Variants in MAPT observed in about 807,000 individuals in gnomAD.
MAPT encodes microtubule associated protein tau.
In MAPT, 34 loss-of-function variants were observed where a neutral mutation model predicts 67.9. That is an observed-to-expected ratio of 0.50 (90% confidence interval 0.38 to 0.67). The LOEUF is 0.67. MAPT is among the 30% of genes least tolerant of loss of function. The pLI is 0.00. For missense variants in MAPT, 881 were observed against 1,115.2 expected (o/e 0.79, Z 2.99); for synonymous variants, 456 against 464.5 (o/e 0.98, Z 0.23).
chr17:45,984,004 A>T, intron 5 of MAPT, 74 bp downstream of exon 5: 1 of 1,302,822 alleles, frequency 7.7e-7, no homozygotes, highest in Non-Finnish European at 1.1e-6. Flanking sequence ...ACTGCCACTG[A>T]GCTTCCAGGC....
chr17:45,983,914 G>T lies in MAPT; in HGVS notation c.1335G>T (p.Arg445=). ...CTCCGCGGGGGAAGCCCGTCAGCCG[G>T]GTCCCTCAACTCAAAGGTCTGTGTC... is the stretch of plus-strand genomic sequence containing the variant. ...AAAPRGKPVS[R]VPQLKARMVS... The change falls in exon 5 of 13, where the codon CGG becomes CGT. Residue 445 remains arginine (R), a synonymous_variant. Coordinates refer to ENST00000262410, the MANE Select transcript of MAPT (RefSeq NM_001377265.1). The T allele has an allele frequency of 6.4e-7, 1 of 1,572,626 alleles. No homozygotes were observed. The highest frequency in any genetic ancestry group is 8.6e-7 in the Non-Finnish European group (1 of 1,163,514).
At chr17:45,899,882 T>C (rs2063505183) in intron 1 of MAPT, among the ~76,000 whole-genome samples, 1 of 152,188 alleles carries the variant, frequency 6.6e-6, no homozygotes, top group Non-Finnish European at 1.5e-5. Context: ...ATCCAGGGTT[T>C]CTGGACTGCT....
chr17:45,982,354 G>A (rs917756650), intron 4 of MAPT, among the ~76,000 whole-genome samples: 3 of 133,508 alleles, frequency 2.2e-5, no homozygotes, highest in African/African-American at 8.1e-5. Flanking sequence ...GGCGGGGGCA[G>A]GAGAACAGTG....
chr17:45,942,366 CT>C (rs1175259652), intron 1 of MAPT, among the ~76,000 whole-genome samples: 1 of 152,226 alleles, frequency 6.6e-6, no homozygotes, highest in Non-Finnish European at 1.5e-5. Flanking sequence ...ACGGTTTTGG[CT>C]CTGTCCCCAG....
intron 1 of MAPT, chr17:45,932,098 A>G (rs886774091): frequency 6.6e-6 from 1 of 152,038 alleles, no homozygotes; most frequent in Non-Finnish European, 1.5e-5. Flanking sequence ...AAGAAAAAAA[A>G]AAAAGAAACA....
chr17:45,999,376 C>T, intron 9 of MAPT: 3 of 1,614,028 alleles, frequency 1.9e-6, no homozygotes, highest in Non-Finnish European at 2.5e-6. Flanking sequence ...TAATTTAACT[C>T]AGCCTCTGTG....
chr17:45,984,072 G>A, intron 5 of MAPT, 142 bp downstream of exon 5: 1 of 740,894 alleles, frequency 1.3e-6, no homozygotes, highest in Non-Finnish European at 2.2e-6. Context: ...ACACCTGGGT[G>A]CAGCTGCTCC....
intron 12 of MAPT, among the ~76,000 whole-genome samples, chr17:46,020,680 G>A (rs1406543556): frequency 6.6e-6 from 1 of 152,148 alleles, no homozygotes; most frequent in African/African-American, 2.4e-5. Flanking sequence ...AAAAGAGCTT[G>A]TGCAGGGGAA....
At chr17:45,928,853 G>A (rs956046351) in intron 1 of MAPT, among the ~76,000 whole-genome samples, 10 of 151,922 alleles carry the variant, frequency 6.6e-5, no homozygotes, top group African/African-American at 1.7e-4. Flanking sequence ...TCGCCACCAC[G>A]CCCAGCTAAT....
At chr17:46,020,060 T>G (rs2076429360) in intron 12 of MAPT, among the ~76,000 whole-genome samples, 1 of 151,014 alleles carries the variant, frequency 6.6e-6, no homozygotes, top group Admixed American at 6.6e-5. Context: ...CCCTGATGTT[T>G]GCAGGCAACT....
chr17:45,959,648 G>A (rs143960054), intron 1 of MAPT, among the ~76,000 whole-genome samples: 1 of 152,246 alleles, frequency 6.6e-6, no homozygotes, highest in African/African-American at 2.4e-5. Context: ...AGGCATGGTG[G>A]CTGGGGCCTG....
At chr17:46,012,480 C>T (rs1473256495) in intron 10 of MAPT, among the ~76,000 whole-genome samples, 1 of 152,160 alleles carries the variant, frequency 6.6e-6, no homozygotes, top group Non-Finnish European at 1.5e-5. Context: ...ACAGGAAGCC[C>T]TTCTCCTGGT....
intron 1 of MAPT, among the ~76,000 whole-genome samples, chr17:45,962,035 A>G (rs2070484661): frequency 6.6e-6 from 1 of 152,106 alleles, no homozygotes; most frequent in Non-Finnish European, 1.5e-5. Context: ...TCGGCCTCCC[A>G]AAGTGCTGAG....
chr17:46,005,035 C>G (rs1215373624), intron 9 of MAPT, among the ~76,000 whole-genome samples: 2 of 152,208 alleles, frequency 1.3e-5, no homozygotes, highest in African/African-American at 4.8e-5. Flanking sequence ...CTGCCTGCCT[C>G]GGCCTCCCAA....
chr17:46,018,768 T>C (rs775841552), intron 12 of MAPT, 38 bp downstream of exon 12: 1 of 1,366,646 alleles, frequency 7.3e-7, no homozygotes, highest in Admixed American at 1.7e-5. Context: ...TGCCCTTGGG[T>C]ATATGGGCAT....
At position 45,990,039 on chromosome 17, in the gene MAPT, A is replaced by C; in HGVS notation, c.1569A>C (p.Arg523=). The change falls in exon 7 of 13, where the codon CGA becomes CGC. Residue 523 remains arginine (R), a synonymous_variant. Coordinates refer to ENST00000262410, the MANE Select transcript of MAPT (RefSeq NM_001377265.1). ...AATACGTCTCTTCTGTCACTTCCCG[A>C]ACTGGCAGTTCTGGAGCAAAGGAGA... ...SPKYVSSVTS[R]TGSSGAKEMK... 6.2e-7 allele frequency: 1 copy of C among 1,614,124 alleles called. No individual in the cohort carries two copies. Among genetic ancestry groups the C allele is most frequent in the Non-Finnish European group, 8.5e-7 (1 of 1,180,034 alleles).
At chr17:45,969,012 G>A (rs963638699) in intron 2 of MAPT, among the ~76,000 whole-genome samples, 1 of 152,228 alleles carries the variant, frequency 6.6e-6, no homozygotes, top group Non-Finnish European at 1.5e-5. Flanking sequence ...AGGTGGTGGA[G>A]CCAGGATTTG....
intron 11 of MAPT, among the ~76,000 whole-genome samples, chr17:46,015,002 C>CA (rs896336342): frequency 3.3e-5 from 5 of 151,128 alleles, no homozygotes; most frequent in African/African-American, 7.3e-5. Context: ...TCAATGGGTA[C>CA]AAAAAAAATA....
chr17:45,946,615 A>AAAAAAAAATATATAT, intron 1 of MAPT, among the ~76,000 whole-genome samples: 6 of 100,406 alleles, frequency 6.0e-5, no homozygotes, highest in African/African-American at 2.6e-4. Context: ...AAAAAAAAAA[A>AAAAAAAAATATATAT]ATATATATAT....
Sources: allele counts gnomAD v4.1 joint callset (sites outside exome capture counted in the v4.1 genomes callset), GRCh38; gene constraint gnomAD v4.1.1; transcripts MANE v1.5; gene names NCBI Gene and HGNC (gene_info 2026-07-23, HGNC 2026-07-21).